The following MNAT1 variants were observed in gnomAD, a reference collection of about 807,000 sequenced individuals.
The protein encoded by MNAT1 is CDK-activating kinase assembly factor MAT1.
A neutral mutation model predicts 42.0 loss-of-function variants in MNAT1; 43 were observed. The observed-to-expected ratio is 1.02, with a 90% CI of 0.80 to 1.32. The LOEUF (loss-of-function observed/expected upper bound fraction) is 1.32, where lower values mean the gene tolerates loss of function less well. Ranked by LOEUF, MNAT1 falls within the 40% of genes most tolerant of loss-of-function variation. MNAT1 has a pLI of 0.00. For synonymous variants in MNAT1, 118 were observed against 120.0 expected (o/e 0.98, Z 0.11); for missense variants, 306 against 350.4 (o/e 0.87, Z 1.01).
chr14:60,947,864 G>A (rs991694022), intron 7 of MNAT1, among the ~76,000 whole-genome samples: 1 of 152,012 alleles, frequency 6.6e-6, no homozygotes, highest in African/African-American at 2.4e-5. Context: ...TATTGTTTTA[G>A]TGAAACTTCC....
intron 6 of MNAT1, among the ~76,000 whole-genome samples, chr14:60,853,747 T>C (rs552698881): frequency 9.5e-4 from 145 of 152,346 alleles, no homozygotes; most frequent in African/African-American, 3.3e-3. Context: ...TGAAAGTTTT[T>C]AGCATGAAGG....
chr14:60,913,069 A>G (rs1052723801), intron 7 of MNAT1, among the ~76,000 whole-genome samples: 3 of 151,834 alleles, frequency 2.0e-5, no homozygotes, highest in Non-Finnish European at 2.9e-5. Flanking sequence ...GCTTCATTTC[A>G]TTCATTTCAT....
chr14:60,879,145 G>A (rs1206008989), intron 6 of MNAT1, among the ~76,000 whole-genome samples: 1 of 151,834 alleles, frequency 6.6e-6, no homozygotes, highest in Non-Finnish European at 1.5e-5. Context: ...GTAAACTGCT[G>A]ATTTCTTTGG....
intron 6 of MNAT1, among the ~76,000 whole-genome samples, chr14:60,874,051 G>A (rs2034384714): frequency 6.6e-6 from 1 of 152,158 alleles, no homozygotes; most frequent in Non-Finnish European, 1.5e-5. Flanking sequence ...CAAAATATGT[G>A]AAGATTTTAA....
intron 7 of MNAT1, among the ~76,000 whole-genome samples, chr14:60,905,539 A>G (rs781008850): frequency 6.6e-6 from 1 of 152,198 alleles, no homozygotes; most frequent in Non-Finnish European, 1.5e-5. Context: ...CAGGAGAACC[A>G]GGGAAGTTCA....
At chr14:60,858,419 G>GGT (rs1555381278) in intron 6 of MNAT1, among the ~76,000 whole-genome samples, 1 of 140,528 alleles carries the variant, frequency 7.1e-6, no homozygotes, top group Non-Finnish European at 1.6e-5. Context: ...TTTTGATGGG[G>GGT]TTTTTTTTTT....
chr14:60,954,778 C>T (rs2036450985), intron 7 of MNAT1, among the ~76,000 whole-genome samples: 1 of 152,042 alleles, frequency 6.6e-6, no homozygotes, highest in Non-Finnish European at 1.5e-5. Flanking sequence ...CAAGAGTGGG[C>T]ATTCTTGGCT....
intron 6 of MNAT1, among the ~76,000 whole-genome samples, chr14:60,823,906 C>A (rs1220650286): frequency 6.6e-6 from 1 of 151,702 alleles, no homozygotes; most frequent in Non-Finnish European, 1.5e-5. Context: ...TGCCTGTAAT[C>A]CCAGCACTTT....
intron 7 of MNAT1, among the ~76,000 whole-genome samples, chr14:60,950,778 A>G (rs1438940639): frequency 1.3e-5 from 2 of 152,106 alleles, no homozygotes; most frequent in African/African-American, 2.4e-5. Flanking sequence ...TGTGGTGATA[A>G]TTGTTTTCAT....
At chr14:60,926,805 T>C (rs1175306639) in intron 7 of MNAT1, among the ~76,000 whole-genome samples, 1 of 152,138 alleles carries the variant, frequency 6.6e-6, no homozygotes, top group African/African-American at 2.4e-5. Flanking sequence ...CTCCCTTCCC[T>C]AGAGGTCAGA....
At chr14:60,735,117 C>G (rs528409878) in intron 1 of MNAT1, among the ~76,000 whole-genome samples, 166 bp downstream of exon 1, 1 of 152,236 alleles carries the variant, frequency 6.6e-6, no homozygotes, top group African/African-American at 2.4e-5. Flanking sequence ...ACTGTAGCCG[C>G]TAGCCCCGAG....
intron 1 of MNAT1, among the ~76,000 whole-genome samples, chr14:60,781,990 T>A (rs1594749722): frequency 6.8e-6 from 1 of 147,874 alleles, no homozygotes; most frequent in African/African-American, 2.5e-5. Flanking sequence ...TTTTTTTTTT[T>A]AACAGAAGTA....
chr14:60,952,068 A>G (rs2036394051), intron 7 of MNAT1, among the ~76,000 whole-genome samples: 1 of 152,292 alleles, frequency 6.6e-6, no homozygotes, highest in South Asian at 2.1e-4. Context: ...ACAGAAGAGT[A>G]TTTTGTAGAT....
chr14:60,740,286 C>T lies in MNAT1; in HGVS notation c.89+5335C>T, dbSNP rs1260280492. ...ATAAGCAAAATCAAGTACCTACCAT[C>T]TTGATATATAAAGGCAATGTTTTGT... On this transcript the variant is annotated intron_variant, in intron 1 of 7. Transcript: ENST00000261245. This position sits in a 1 kb window ranked among gnomAD's most constrained non-coding sequence, Gnocchi z 4.1. Among the ~76,000 whole-genome samples the T allele has an allele frequency of 6.6e-6, 1 of 152,206 alleles. No homozygotes were observed. The highest frequency in any genetic ancestry group is 2.4e-5 in the African/African-American group (1 of 41,454).
chr14:60,778,884 C>T (rs2031346516), intron 1 of MNAT1, among the ~76,000 whole-genome samples: 1 of 152,122 alleles, frequency 6.6e-6, no homozygotes, highest in South Asian at 2.1e-4. Context: ...GGTTCAACAA[C>T]CAAGGGATGG....
At chr14:60,884,743 G>A (rs966675600) in intron 7 of MNAT1, among the ~76,000 whole-genome samples, 1 of 152,002 alleles carries the variant, frequency 6.6e-6, no homozygotes, top group African/African-American at 2.4e-5. Context: ...CATGATTACA[G>A]TGTGGGAATA....
chr14:60,931,699 T>G (rs1212041430), intron 7 of MNAT1, among the ~76,000 whole-genome samples: 1 of 152,204 alleles, frequency 6.6e-6, no homozygotes, highest in Non-Finnish European at 1.5e-5. Context: ...ATTTTTGATT[T>G]AGTCAGTGTG....
intron 6 of MNAT1, among the ~76,000 whole-genome samples, chr14:60,859,819 A>T (rs1013146111): frequency 6.6e-6 from 1 of 152,208 alleles, no homozygotes; most frequent in Non-Finnish European, 1.5e-5. Flanking sequence ...CTTAAAACTC[A>T]TAGTAGGTTT....
rs1198096283 is a variant in MNAT1, at chr14:60,956,558, T to C, written c.810-11671T>C. ...TTCCAGCTTAGTGTTCCTTTACTGATATTCTTTCTGGATTATCTATCCATT... is the reference window on the plus strand; with the variant it reads ...TTCCAGCTTAGTGTTCCTTTACTGACATTCTTTCTGGATTATCTATCCATT... On this transcript the variant is annotated intron_variant, in intron 7 of 7. Coordinates refer to ENST00000261245, the MANE Select transcript of MNAT1 (RefSeq NM_002431.4). Among the ~76,000 whole-genome samples, 7 of 152,322 alleles carry C rather than the reference T, an allele frequency of 4.6e-5. No individual in the cohort carries two copies. The East Asian group carries it at 1.3e-3, about 29-fold the overall frequency.
Sources: gnomAD v4.1 joint callset for allele counts (sites outside exome capture counted in the v4.1 genomes callset) on GRCh38, gnomAD v4.1.1 for gene constraint, Gnocchi (gnomAD v3.1) non-coding constraint, MANE v1.5 for transcripts, NCBI Gene and HGNC (gene_info 2026-07-23, HGNC 2026-07-21) for gene names.